Variants in LYPD6B observed in about 807,000 individuals in gnomAD.
LYPD6B encodes ly6/PLAUR domain-containing protein 6B.
A neutral mutation model predicts 22.8 loss-of-function variants in LYPD6B; 17 were observed. The ratio of observed to expected loss-of-function variants is 0.75; its 90% CI spans 0.51 to 1.12. The LOEUF (loss-of-function observed/expected upper bound fraction) is 1.12. Ranked by LOEUF, LYPD6B falls within the 50% of genes most tolerant of loss-of-function variation. LYPD6B has a pLI of 0.00. For synonymous variants in LYPD6B, 106 were observed against 91.6 expected (o/e 1.16, Z -0.90); for missense variants, 221 against 258.3 (o/e 0.86, Z 0.99).
intron 5 of LYPD6B, among the ~76,000 whole-genome samples, chr2:149,212,650 G>C (rs1693947972): frequency 6.6e-6 from 1 of 152,156 alleles, no homozygotes; most frequent in Non-Finnish European, 1.5e-5. Context: ...GTGCTTCAGA[G>C]GGAGAGAGAG....
At chr2:149,110,547 C>T (rs1439811399) in intron 1 of LYPD6B, among the ~76,000 whole-genome samples, 1 of 152,132 alleles carries the variant, frequency 6.6e-6, no homozygotes, top group African/African-American at 2.4e-5. Flanking sequence ...GGGCTTAGTA[C>T]TCCCCAATAT....
chr2:149,085,632 G>A (rs1416305574), intron 1 of LYPD6B, among the ~76,000 whole-genome samples: 2 of 152,166 alleles, frequency 1.3e-5, no homozygotes, highest in African/African-American at 4.8e-5. Flanking sequence ...CCCAGCAATG[G>A]GCTGTGGATG....
At chr2:149,176,008 G>A (rs1691278132) in intron 3 of LYPD6B, among the ~76,000 whole-genome samples, 1 of 152,078 alleles carries the variant, frequency 6.6e-6, no homozygotes, top group Non-Finnish European at 1.5e-5. Context: ...ATAAAATATA[G>A]TAAATACATC....
intron 3 of LYPD6B, among the ~76,000 whole-genome samples, chr2:149,202,398 C>T (rs979945814): frequency 1.3e-5 from 2 of 152,290 alleles, no homozygotes; most frequent in Admixed American, 1.3e-4. Flanking sequence ...AGGCAAGCTT[C>T]TTCCCATCTT....
intron 1 of LYPD6B, among the ~76,000 whole-genome samples, chr2:149,060,706 G>C (rs1684037402): frequency 6.6e-6 from 1 of 152,024 alleles, no homozygotes; most frequent in African/African-American, 2.4e-5. Flanking sequence ...ATCCTCTTAA[G>C]GTCTAGGCTC....
At chr2:149,045,972 C>A (rs951645148) in intron 1 of LYPD6B, among the ~76,000 whole-genome samples, 1 of 152,040 alleles carries the variant, frequency 6.6e-6, no homozygotes, top group Admixed American at 6.6e-5. Flanking sequence ...TCTCTATAAC[C>A]AAGAGAGGAA....
chr2:149,167,442 G>T (rs1575101853), intron 3 of LYPD6B, among the ~76,000 whole-genome samples: 1 of 152,206 alleles, frequency 6.6e-6, no homozygotes, highest in South Asian at 2.1e-4. Context: ...AGGTTTGGTT[G>T]ATTAACATGA....
intron 1 of LYPD6B, among the ~76,000 whole-genome samples, chr2:149,054,231 C>T (rs1180540532): frequency 6.6e-6 from 1 of 152,164 alleles, no homozygotes; most frequent in Non-Finnish European, 1.5e-5. Flanking sequence ...TATGAGGGTT[C>T]CAATTTTTCC....
At chr2:149,120,587 G>C (rs1687282584) in intron 1 of LYPD6B, among the ~76,000 whole-genome samples, 1 of 148,268 alleles carries the variant, frequency 6.7e-6, no homozygotes, top group Non-Finnish European at 1.5e-5. Flanking sequence ...GTTTCACCGG[G>C]TTAGCCAGGA....
chr2:149,072,511 T>TATTTC (rs1684664455), intron 1 of LYPD6B, among the ~76,000 whole-genome samples: 2 of 147,118 alleles, frequency 1.4e-5, no homozygotes, highest in South Asian at 4.3e-4. Context: ...TATTTTATTT[T>TATTTC]ATTTTATTTT....
At chr2:149,199,771 G>A (rs923796439) in intron 3 of LYPD6B, among the ~76,000 whole-genome samples, 1 of 152,154 alleles carries the variant, frequency 6.6e-6, no homozygotes, top group African/African-American at 2.4e-5. Context: ...CAGAAATAGA[G>A]AACCTATTGG....
chr2:149,048,334 A>G (rs1558966910), intron 1 of LYPD6B, among the ~76,000 whole-genome samples: 1 of 152,188 alleles, frequency 6.6e-6, no homozygotes, highest in Non-Finnish European at 1.5e-5. Context: ...GAGGGTTCTC[A>G]TTCCTCTGGT....
At chr2:149,127,455 C>T (rs934583140) in intron 1 of LYPD6B, among the ~76,000 whole-genome samples, 3 of 152,142 alleles carry the variant, frequency 2.0e-5, no homozygotes, top group Admixed American at 6.5e-5. Context: ...GGTTCAGCTG[C>T]CCCACCATGG....
intron 1 of LYPD6B, among the ~76,000 whole-genome samples, chr2:149,111,558 G>A (rs1471074104): frequency 6.6e-6 from 1 of 152,184 alleles, no homozygotes; most frequent in African/African-American, 2.4e-5. Context: ...TACTGGGATG[G>A]AGAAGATTGG....
chr2:149,113,383 T>C (rs1686853842), intron 1 of LYPD6B, among the ~76,000 whole-genome samples: 1 of 152,124 alleles, frequency 6.6e-6, no homozygotes, highest in African/African-American at 2.4e-5. Context: ...TTGTGTTTTA[T>C]GATGGGGAAA....
chr2:149,118,423 C>A (rs1410301635), intron 1 of LYPD6B, among the ~76,000 whole-genome samples: 4 of 152,198 alleles, frequency 2.6e-5, no homozygotes, highest in Non-Finnish European at 5.9e-5. Flanking sequence ...TGAGTTTTTG[C>A]AGACTATTTG....
At position 149,038,796 on chromosome 2, in the gene LYPD6B, G is replaced by C. The variant is rs1320891841; in HGVS notation, c.-72G>C. The C allele has an allele frequency of 6.6e-6, 1 of 150,836 alleles. No individual in the cohort carries two copies. The highest frequency in any genetic ancestry group is 2.4e-5 in the African/African-American group (1 of 41,258). 9.3% of individuals were successfully genotyped at this position (150,836 alleles called of 1,614,324 possible). A position where few individuals can be genotyped will look rare whatever the true frequency, so the allele number is the denominator to read the frequency against. On this transcript the variant is annotated 5_prime_UTR_variant, in exon 1 of 7. Transcript: ENST00000409642. ...GCCGAGAGGCTCGGTGGGCGCGGGC[G>C]GCGAGGTGAGCTGGGCCAGCGCAGC...
chr2:149,174,939 A>G (rs1267762297), intron 3 of LYPD6B, among the ~76,000 whole-genome samples: 1 of 151,886 alleles, frequency 6.6e-6, no homozygotes, highest in East Asian at 1.9e-4. Context: ...TGAACCTAAG[A>G]TAAGAGTTGG....
At chr2:149,097,206 T>C (rs1429895854) in intron 1 of LYPD6B, among the ~76,000 whole-genome samples, 1 of 152,206 alleles carries the variant, frequency 6.6e-6, no homozygotes, top group African/African-American at 2.4e-5. Flanking sequence ...GAAGAGAACC[T>C]CTCCTACTGG....
Sources: gnomAD v4.1 joint callset for allele counts (sites outside exome capture counted in the v4.1 genomes callset) on GRCh38, gnomAD v4.1.1 for gene constraint, MANE v1.5 for transcripts, NCBI Gene and HGNC (gene_info 2026-07-23, HGNC 2026-07-21) for gene names.